The following PUM3 variants were observed in gnomAD, a reference collection of about 807,000 sequenced individuals.
The protein encoded by PUM3 is pumilio homolog 3.
Under a neutral mutation model 84.0 loss-of-function variants are expected in PUM3, and 91 were observed. That is an observed-to-expected ratio of 1.08 (90% CI 0.91 to 1.29). The LOEUF (loss-of-function observed/expected upper bound fraction) is 1.29. PUM3 is among the 50% of genes most tolerant of loss of function. The probability of loss-of-function intolerance (pLI) is 0.00; values close to 1 mark genes in which losing one functional copy is unlikely to be tolerated. For missense variants in PUM3, 1,067 were observed against 767.5 expected (o/e 1.39, Z -4.61); for synonymous variants, 321 against 266.7 (o/e 1.20, Z -1.98).
chr9:2,843,130 A>G (rs975932428), intron 1 of PUM3, among the ~76,000 whole-genome samples: 1 of 152,196 alleles, frequency 6.6e-6, no homozygotes. Flanking sequence ...TTTTCTACAC[A>G]TGGTAATAGG....
At chr9:2,808,431 T>C (rs967736932) in intron 16 of PUM3, among the ~76,000 whole-genome samples, 1 of 152,330 alleles carries the variant, frequency 6.6e-6, no homozygotes, top group Non-Finnish European at 1.5e-5. Context: ...AAATCAAAAA[T>C]ACCATTTTTC....
Position 2,823,071 on chromosome 9 carries a change from T to C in PUM3, c.1188+710A>G, listed in dbSNP as rs1025524710. On this transcript the variant is annotated intron_variant, in intron 12 of 17. Transcript: ENST00000397885. ...TTTAGTTCATCAATAAATTAGAAAT[T>C]TGTTATCCATCAAATATATAAAGTA... 5.3e-5 allele frequency among the ~76,000 whole-genome samples: 8 copies of C among 151,938 alleles called. No individual in the cohort carries two copies. In the South Asian group the frequency reaches 6.2e-4, roughly 12 times the overall value.
intron 9 of PUM3, among the ~76,000 whole-genome samples, chr9:2,828,216 A>AT (rs1815876187): frequency 6.6e-6 from 1 of 151,546 alleles, no homozygotes; most frequent in South Asian, 2.1e-4. Context: ...TAATTTTCTT[A>AT]TTTTTTCGTA....
At chr9:2,842,813 T>C (rs998018296) in intron 1 of PUM3, among the ~76,000 whole-genome samples, 1 of 152,170 alleles carries the variant, frequency 6.6e-6, no homozygotes, top group Non-Finnish European at 1.5e-5. Context: ...TCTATGTTGT[T>C]CTTTATGTTA....
chr9:2,834,441 T>C (rs533239420), intron 3 of PUM3, among the ~76,000 whole-genome samples: 1 of 152,326 alleles, frequency 6.6e-6, no homozygotes, highest in East Asian at 1.9e-4. Context: ...AACTAGAATA[T>C]TTTAAATATC....
In PUM3 at chr9:2,838,433, T is replaced by G; in HGVS notation, c.75A>C (p.Lys25Asn). The G allele has an allele frequency of 6.2e-7, 1 of 1,608,944 alleles. No individual in the cohort carries two copies. The highest frequency in any genetic ancestry group is 8.5e-7 in the Non-Finnish European group (1 of 1,175,372). The change falls in exon 2 of 18, where the codon AAA becomes AAC. Residue 25 changes from lysine (K) to asparagine (N), a missense_variant. Coordinates refer to ENST00000397885, the MANE Select transcript of PUM3 (RefSeq NM_014878.5). ...KTAQEKNRFH[K>N]NSDSGSSKTF... ...ATGGGAAGCATATCTTACCACTATT[T>G]TTATGAAATCTGTTTTTTTCTTGTG...
intron 10 of PUM3, among the ~76,000 whole-genome samples, chr9:2,825,977 C>T (rs1397288947): frequency 6.6e-6 from 1 of 152,128 alleles, no homozygotes; most frequent in Non-Finnish European, 1.5e-5. Flanking sequence ...TCTAACAATC[C>T]CTTCCCAAGA....
chr9:2,810,456 T>C (rs1382818506), intron 15 of PUM3, 25 bp from the exon 16 acceptor site: 1 of 1,507,424 alleles, frequency 6.6e-7, no homozygotes, highest in Admixed American at 2.0e-5. Context: ...GAACAGTTAA[T>C]TTTAAAAGTT....
intron 13 of PUM3, among the ~76,000 whole-genome samples, chr9:2,818,450 A>C (rs1283456069): frequency 6.6e-6 from 1 of 152,228 alleles, no homozygotes; most frequent in Non-Finnish European, 1.5e-5. Context: ...CAAATCATGA[A>C]GGAAATTTGG....
intron 7 of PUM3, among the ~76,000 whole-genome samples, chr9:2,830,761 T>C (rs1203494732): frequency 6.6e-6 from 1 of 152,162 alleles, no homozygotes; most frequent in Non-Finnish European, 1.5e-5. Flanking sequence ...TTTTTAGGAA[T>C]GAAGGCAGTA....
At chr9:2,835,458 T>C (rs1223805352) in intron 3 of PUM3, among the ~76,000 whole-genome samples, 1 of 152,188 alleles carries the variant, frequency 6.6e-6, no homozygotes, top group East Asian at 1.9e-4. Context: ...TCAATATGAT[T>C]AGATTATGTT....
In PUM3 at chr9:2,826,137, A is replaced by G. The variant is rs555136514; in HGVS notation, c.1035+936T>C. 7.4e-4 allele frequency among the ~76,000 whole-genome samples: 112 copies of G among 152,066 alleles called. 1 individual carries two copies. Among genetic ancestry groups the G allele is most frequent in the Middle Eastern group, 6.8e-3 (2 of 294 alleles). ...TAAGTCTCTTTTGAAAATGCCCCCAATACCAGAAAAGACAATTTGTCTCAT... is the reference window on the plus strand; with the variant it reads ...TAAGTCTCTTTTGAAAATGCCCCCAGTACCAGAAAAGACAATTTGTCTCAT... On this transcript the variant is annotated intron_variant, in intron 10 of 17. Coordinates refer to ENST00000397885, the MANE Select transcript of PUM3 (RefSeq NM_014878.5).
chr9:2,809,576 G>C (rs1048828118), intron 16 of PUM3, among the ~76,000 whole-genome samples: 1 of 152,056 alleles, frequency 6.6e-6, no homozygotes, highest in Non-Finnish European at 1.5e-5. Flanking sequence ...GCCACTTGCC[G>C]CAAGACATGA....
In PUM3 at chr9:2,837,289, T is replaced by C. The variant is rs766474438; in HGVS notation, c.195A>G (p.Val65=). The change falls in exon 3 of 18, where the codon GTA becomes GTG. Residue 65 remains valine, a synonymous_variant. Coordinates refer to ENST00000397885, the MANE Select transcript of PUM3 (RefSeq NM_014878.5). The part of the protein sequence containing the change: ...KSITKLGKKG[V]KQFKNKQQGD... Reference sequence around the variant, plus strand: ...CTTGCTGCTTATTCTTGAACTGCTTTACACCCTTTTTCCCAAGTTTTGTGA... The same window carrying C: ...CTTGCTGCTTATTCTTGAACTGCTTCACACCCTTTTTCCCAAGTTTTGTGA... 22 of 1,614,058 alleles carry C rather than the reference T, an allele frequency of 1.4e-5. No individual in the cohort carries two copies. The highest frequency in any genetic ancestry group is 4.0e-5 in the African/African-American group (3 of 74,930).
At chr9:2,817,502 C>G (rs909827612) in intron 13 of PUM3, among the ~76,000 whole-genome samples, 4 of 152,092 alleles carry the variant, frequency 2.6e-5, no homozygotes, top group African/African-American at 9.7e-5. Context: ...GACAATAAAT[C>G]TCACAAACAT....
intron 12 of PUM3, among the ~76,000 whole-genome samples, chr9:2,821,306 TG>T (rs921390695): frequency 4.6e-5 from 7 of 151,582 alleles, no homozygotes; most frequent in African/African-American, 1.7e-4. Context: ...TAGCTGGGCA[TG>T]GTGGTGGGCG....
At chr9:2,827,949 G>A (rs1259616024) in intron 9 of PUM3, among the ~76,000 whole-genome samples, 1 of 152,206 alleles carries the variant, frequency 6.6e-6, no homozygotes, top group Non-Finnish European at 1.5e-5. Flanking sequence ...AGGCAGTCGG[G>A]TCCCAAAAGC....
chr9:2,829,101 T>C (rs1352634451), intron 8 of PUM3, among the ~76,000 whole-genome samples: 1 of 152,234 alleles, frequency 6.6e-6, no homozygotes, highest in Non-Finnish European at 1.5e-5. Context: ...TTATAATTAG[T>C]TGGCTATTCC....
At chr9:2,812,423 A>G (rs1821393663) in intron 13 of PUM3, 61 bp from the exon 14 acceptor site, 1 of 1,157,332 alleles carries the variant, frequency 8.6e-7, no homozygotes, top group Admixed American at 2.3e-5. Flanking sequence ...AAAGTACCAC[A>G]GGACCTTTCT....
Sources: allele counts gnomAD v4.1 joint callset (sites outside exome capture counted in the v4.1 genomes callset), GRCh38; gene constraint gnomAD v4.1.1; transcripts MANE v1.5; gene names NCBI Gene and HGNC (gene_info 2026-07-23, HGNC 2026-07-21).